The following NEGR1 variants were observed in gnomAD, a reference collection of about 807,000 sequenced individuals.
The protein encoded by NEGR1 is neuronal growth regulator 1.
A neutral mutation model predicts 40.9 loss-of-function variants in NEGR1; 10 were observed. The observed-to-expected ratio is 0.24, with a 90% CI of 0.15 to 0.42. The LOEUF is 0.42. NEGR1 is among the 10% of genes least tolerant of loss of function. NEGR1 has a pLI of 1.00. For synonymous variants in NEGR1, 185 were observed against 166.8 expected (o/e 1.11, Z -0.84); for missense variants, 352 against 438.9 (o/e 0.80, Z 1.77).
At chr1:71,954,191 C>T (rs779140602) in intron 1 of NEGR1, among the ~76,000 whole-genome samples, 18 of 151,740 alleles carry the variant, frequency 1.2e-4, no homozygotes, top group Non-Finnish European at 2.9e-5. Context: ...AAGAGAAACA[C>T]AGATAAAGAG....
At chr1:71,410,324 C>G (rs1557516799) in intron 6 of NEGR1, among the ~76,000 whole-genome samples, 1 of 152,022 alleles carries the variant, frequency 6.6e-6, no homozygotes, top group East Asian at 1.9e-4. Flanking sequence ...AGATCAGATA[C>G]CTAATGTCAA....
chr1:72,099,835 C>T (rs747227734), intron 1 of NEGR1, among the ~76,000 whole-genome samples: 12 of 151,338 alleles, frequency 7.9e-5, no homozygotes, highest in Non-Finnish European at 1.5e-4. Flanking sequence ...TTGATATAAC[C>T]TTAAAAAATA....
At chr1:71,622,531 T>A (rs868001337) in intron 4 of NEGR1, among the ~76,000 whole-genome samples, 1 of 151,840 alleles carries the variant, frequency 6.6e-6, no homozygotes. Context: ...ACATAAGAAT[T>A]TTTTTGTAAT....
At chr1:71,772,870 A>G (rs919896883) in intron 3 of NEGR1, among the ~76,000 whole-genome samples, 1 of 152,188 alleles carries the variant, frequency 6.6e-6, no homozygotes, top group Admixed American at 6.5e-5. Context: ...TAACTGGGTA[A>G]AGCATACAGA....
At chr1:71,886,015 T>C (rs1335367488) in intron 2 of NEGR1, among the ~76,000 whole-genome samples, 2 of 152,216 alleles carry the variant, frequency 1.3e-5, no homozygotes, top group Non-Finnish European at 2.9e-5. Context: ...ATGAAGTTTC[T>C]ATATCAAAAG....
At chr1:71,713,944 T>G (rs1007511650) in intron 3 of NEGR1, among the ~76,000 whole-genome samples, 1 of 152,192 alleles carries the variant, frequency 6.6e-6, no homozygotes, top group Non-Finnish European at 1.5e-5. Context: ...GGGGCAAAAT[T>G]TTTAACCTCT....
intron 1 of NEGR1, among the ~76,000 whole-genome samples, chr1:72,047,614 GT>G (rs568053786): frequency 6.6e-6 from 1 of 150,792 alleles, no homozygotes; most frequent in Non-Finnish European, 1.5e-5. Context: ...AGATTTCAGA[GT>G]TTTTTTTGAA....
At chr1:71,960,615 T>C (rs984302982) in intron 1 of NEGR1, among the ~76,000 whole-genome samples, 1 of 152,206 alleles carries the variant, frequency 6.6e-6, no homozygotes, top group Non-Finnish European at 1.5e-5. Flanking sequence ...TTTACTGTTA[T>C]TAGGTTTTTT....
At chr1:72,236,362 A>AACT (rs1417797993) in intron 1 of NEGR1, among the ~76,000 whole-genome samples, 2 of 151,980 alleles carry the variant, frequency 1.3e-5, no homozygotes, top group African/African-American at 4.8e-5. Flanking sequence ...AGCAAACCAC[A>AACT]TGGCACTTGT....
chr1:71,724,752 T>C (rs1298718282), intron 3 of NEGR1, among the ~76,000 whole-genome samples: 2 of 152,150 alleles, frequency 1.3e-5, no homozygotes, highest in Non-Finnish European at 2.9e-5. Context: ...TTTTGTGTAA[T>C]TCTCCAGCCT....
intron 3 of NEGR1, among the ~76,000 whole-genome samples, chr1:71,749,962 C>A (rs1045568781): frequency 6.6e-6 from 1 of 151,762 alleles, no homozygotes; most frequent in Admixed American, 6.6e-5. Flanking sequence ...AAATCAATCT[C>A]TCCTGATGAA....
intron 2 of NEGR1, among the ~76,000 whole-genome samples, chr1:71,898,646 CA>C (rs1370024368): frequency 1.4e-5 from 2 of 142,900 alleles, no homozygotes; most frequent in Middle Eastern, 3.7e-3. Flanking sequence ...AACAAATAAA[CA>C]AAAAAACTGC....
intron 3 of NEGR1, among the ~76,000 whole-genome samples, chr1:71,739,548 A>T (rs529582350): frequency 4.6e-5 from 7 of 152,192 alleles, no homozygotes; most frequent in African/African-American, 1.7e-4. Flanking sequence ...CTCTTAAATC[A>T]TTCTTACTCT....
intron 6 of NEGR1, among the ~76,000 whole-genome samples, chr1:71,569,083 A>C (rs560611722): frequency 6.6e-6 from 1 of 151,836 alleles, no homozygotes; most frequent in East Asian, 1.9e-4. Flanking sequence ...TGCCCGGCTA[A>C]TTTTTTGTAT....
At chr1:71,910,360 G>A (rs1349338434) in intron 2 of NEGR1, among the ~76,000 whole-genome samples, 5 of 152,148 alleles carry the variant, frequency 3.3e-5, no homozygotes, top group Admixed American at 6.5e-5. Context: ...AAATTTGCAG[G>A]TAACGAAATA....
chr1:71,765,390 T>A (rs753205476), intron 3 of NEGR1, among the ~76,000 whole-genome samples: 16 of 152,036 alleles, frequency 1.1e-4, no homozygotes, highest in Admixed American at 5.9e-4. Flanking sequence ...TTTCCAAGAG[T>A]TTGTTGAATC....
At chr1:72,241,176 G>A (rs914786335) in intron 1 of NEGR1, among the ~76,000 whole-genome samples, 3 of 151,494 alleles carry the variant, frequency 2.0e-5, no homozygotes, top group African/African-American at 7.3e-5. Flanking sequence ...AGTTTTATTT[G>A]GAAGTTAGAT....
intron 1 of NEGR1, among the ~76,000 whole-genome samples, chr1:72,043,646 A>C (rs1186053565): frequency 6.6e-6 from 1 of 151,956 alleles, no homozygotes; most frequent in East Asian, 1.9e-4. Flanking sequence ...CTGTGTTGAC[A>C]TTGCTCAGAA....
chr1:71,427,127 T>C (rs1646433974), intron 6 of NEGR1, among the ~76,000 whole-genome samples: 1 of 152,190 alleles, frequency 6.6e-6, no homozygotes, highest in African/African-American at 2.4e-5. Flanking sequence ...ACGTTGGAGA[T>C]GTCATAAGCA....
Sources: allele counts gnomAD v4.1 joint callset (sites outside exome capture counted in the v4.1 genomes callset), GRCh38; gene constraint gnomAD v4.1.1; transcripts MANE v1.5; gene names NCBI Gene and HGNC (gene_info 2026-07-23, HGNC 2026-07-21).